CRADD: variants seen among roughly 807,000 people sequenced by gnomAD.
The protein encoded by CRADD is CARD and death domain containing adaptor protein.
CRADD carries 9 observed loss-of-function variants against 15.5 expected under a neutral mutation model. The ratio of observed to expected loss-of-function variants is 0.58; its 90% CI spans 0.35 to 1.01. The LOEUF is 1.01. Among genes scored for constraint, CRADD ranks in the 50% least tolerant of loss-of-function variants. The pLI, the probability that CRADD is intolerant of heterozygous loss-of-function variation, is 0.02. For synonymous variants in CRADD, 118 were observed against 107.6 expected (o/e 1.10, Z -0.60); for missense variants, 227 against 250.3 (o/e 0.91, Z 0.63).
chr12:93,810,551 CAAAAAAAAAAAAAAAAAAAAAAAAAAA>C (rs56689824), intron 2 of CRADD, among the ~76,000 whole-genome samples: 5 of 39,028 alleles, frequency 1.3e-4, no homozygotes, highest in South Asian at 1.4e-3. Context: ...AAATCAGTCT[CAAAAAAAAAAAAAAAAAAAAAAAAAAA>C]AAAAAAAAAA....
intron 2 of CRADD, among the ~76,000 whole-genome samples, chr12:93,857,032 T>G (rs1168468163): frequency 1.3e-5 from 2 of 152,204 alleles, no homozygotes; most frequent in Non-Finnish European, 2.9e-5. Context: ...GTGAGCCAAT[T>G]AAGCCTTGTC....
At chr12:93,814,208 C>T (rs1023229560) in intron 2 of CRADD, among the ~76,000 whole-genome samples, 2 of 152,110 alleles carry the variant, frequency 1.3e-5, no homozygotes, top group African/African-American at 4.8e-5. Context: ...TTGGCATGAG[C>T]AAATTGTTCC....
intron 2 of CRADD, among the ~76,000 whole-genome samples, chr12:93,723,631 G>T (rs1001085877): frequency 1.1e-4 from 16 of 152,118 alleles, no homozygotes; most frequent in African/African-American, 3.6e-4. Flanking sequence ...GCTGCCTCTG[G>T]GTTTATTAAA....
chr12:93,877,425 T>C (rs1958464962), intron 2 of CRADD, among the ~76,000 whole-genome samples: 1 of 152,102 alleles, frequency 6.6e-6, no homozygotes, highest in South Asian at 2.1e-4. Context: ...GGTGGCAAAG[T>C]CCCCCAGACA....
chr12:93,816,928 T>A (rs1957707666), intron 2 of CRADD, among the ~76,000 whole-genome samples: 1 of 152,240 alleles, frequency 6.6e-6, no homozygotes, highest in Non-Finnish European at 1.5e-5. Flanking sequence ...GTTCAAGCCT[T>A]GGAAGAGAGG....
rs988904289 is a variant in CRADD at position 93,678,976 on chromosome 12, G to A, written c.202G>A (p.Ala68Thr). ...LDILPSRGPKAFDTFLDSLQE... is the reference protein window; with the variant it reads ...LDILPSRGPKTFDTFLDSLQE... ...TATCCTACCTTCCAGGGGCCCTAAA[G>A]CATTTGATACATTCCTAGATTCCCT... Residue 68 changes from alanine to threonine, a missense_variant, in exon 2 of 3, where the codon GCA (alanine) becomes ACA (threonine). Transcript: ENST00000332896. 2 of 1,614,094 alleles carry A rather than the reference G, an allele frequency of 1.2e-6. No individual in the cohort carries two copies. The highest frequency in any genetic ancestry group is 1.7e-6 in the Non-Finnish European group (2 of 1,179,958).
chr12:93,889,507 C>T (rs899714681), intron 2 of CRADD, among the ~76,000 whole-genome samples: 1 of 152,154 alleles, frequency 6.6e-6, no homozygotes, highest in Non-Finnish European at 1.5e-5. Flanking sequence ...GGCTTTTAGC[C>T]TCTGCCATCC....
At chr12:93,878,771 A>G (rs11107230) in intron 2 of CRADD, among the ~76,000 whole-genome samples, 15,192 of 152,178 alleles carry the variant, frequency 0.1, 1,119 homozygotes, top group African/African-American at 0.2. Flanking sequence ...CTAACCTGAC[A>G]GCACACTGGG....
intron 2 of CRADD, among the ~76,000 whole-genome samples, chr12:93,723,302 C>T: frequency 6.6e-6 from 1 of 152,174 alleles, no homozygotes; most frequent in East Asian, 1.9e-4. Context: ...TCCTAAACTT[C>T]CCAATTGCTC....
At chr12:93,785,363 T>A (rs1192095995) in intron 2 of CRADD, among the ~76,000 whole-genome samples, 2 of 152,214 alleles carry the variant, frequency 1.3e-5, no homozygotes, top group African/African-American at 4.8e-5. Context: ...AAAAATTGTG[T>A]CTACTCCAAA....
intron 2 of CRADD, among the ~76,000 whole-genome samples, chr12:93,790,317 G>C (rs1001850153): frequency 2.0e-5 from 3 of 151,958 alleles, no homozygotes; most frequent in African/African-American, 4.8e-5. Context: ...AACTATAGGT[G>C]GGGGGAGGGG....
intron 2 of CRADD, among the ~76,000 whole-genome samples, chr12:93,827,647 T>G (rs1957838840): frequency 6.6e-6 from 1 of 152,170 alleles, no homozygotes; most frequent in Non-Finnish European, 1.5e-5. Flanking sequence ...TTTTCCAAAG[T>G]GTTTGTCCCA....
At chr12:93,804,677 G>C (rs139681794) in intron 2 of CRADD, among the ~76,000 whole-genome samples, 9 of 152,172 alleles carry the variant, frequency 5.9e-5, no homozygotes, top group Non-Finnish European at 1.2e-4. Flanking sequence ...AAATGTGGCT[G>C]TTTCATCTCT....
At chr12:93,839,997 A>G (rs2137039011) in intron 2 of CRADD, among the ~76,000 whole-genome samples, 1 of 152,300 alleles carries the variant, frequency 6.6e-6, no homozygotes, top group East Asian at 1.9e-4. Flanking sequence ...CATGAACTTT[A>G]TAGTTTTACC....
At chr12:93,715,856 T>C (rs1045115877) in intron 2 of CRADD, among the ~76,000 whole-genome samples, 6 of 152,222 alleles carry the variant, frequency 3.9e-5, no homozygotes, top group African/African-American at 1.2e-4. Flanking sequence ...AAAAAAATTA[T>C]TTAGGCTGGG....
intron 2 of CRADD, among the ~76,000 whole-genome samples, chr12:93,788,857 G>A (rs552927587): frequency 3.3e-5 from 5 of 152,120 alleles, no homozygotes; most frequent in Admixed American, 6.6e-5. Flanking sequence ...GACAGGGCAC[G>A]GGAGAGCCTT....
At chr12:93,840,977 A>G (rs1958040421) in intron 2 of CRADD, among the ~76,000 whole-genome samples, 1 of 152,188 alleles carries the variant, frequency 6.6e-6, no homozygotes, top group Admixed American at 6.5e-5. Flanking sequence ...ATGCTTTTAC[A>G]ATCTTAACCA....
chr12:93,691,255 CT>C (rs66640128), intron 2 of CRADD, among the ~76,000 whole-genome samples: 45,862 of 141,394 alleles, frequency 0.32, 7,088 homozygotes, highest in East Asian at 0.49. Context: ...CTTTTGTTTT[CT>C]TTTTTTTTTT....
chr12:93,855,927 C>G (rs919294136), intron 2 of CRADD, among the ~76,000 whole-genome samples: 1 of 152,216 alleles, frequency 6.6e-6, no homozygotes, highest in Admixed American at 6.5e-5. Flanking sequence ...AAGCGATTCT[C>G]CTGCCTCAGC....
Sources: allele counts gnomAD v4.1 joint callset (sites outside exome capture counted in the v4.1 genomes callset), GRCh38; gene constraint gnomAD v4.1.1; transcripts MANE v1.5; gene names NCBI Gene and HGNC (gene_info 2026-07-23, HGNC 2026-07-21).